ARHGAP25: variants seen among roughly 807,000 people sequenced by gnomAD.
The protein encoded by ARHGAP25 is rho GTPase-activating protein 25.
Under a neutral mutation model 71.0 loss-of-function variants are expected in ARHGAP25, and 34 were observed. The observed-to-expected ratio is 0.48, with a 90% CI of 0.36 to 0.64. ARHGAP25 has a LOEUF of 0.64. Among genes scored for constraint, ARHGAP25 ranks in the 30% least tolerant of loss-of-function variants. The pLI, the probability that ARHGAP25 is intolerant of heterozygous loss-of-function variation, is 0.00. For synonymous variants in ARHGAP25, 282 were observed against 296.5 expected (o/e 0.95, Z 0.50); for missense variants, 706 against 805.1 (o/e 0.88, Z 1.49).
chr2:68,710,922 C>T (rs566838148), intron 2 of ARHGAP25, among the ~76,000 whole-genome samples: 2 of 152,288 alleles, frequency 1.3e-5, no homozygotes, highest in South Asian at 2.1e-4. Flanking sequence ...TCTGCTACAT[C>T]TCTCTAGTGT....
chr2:68,717,492 A>G (rs1674642273), intron 2 of ARHGAP25, among the ~76,000 whole-genome samples: 1 of 152,206 alleles, frequency 6.6e-6, no homozygotes, highest in Non-Finnish European at 1.5e-5. Context: ...GCAAAAGACG[A>G]TAACTTAATC....
intron 2 of ARHGAP25, among the ~76,000 whole-genome samples, chr2:68,717,290 T>C (rs1674635773): frequency 6.6e-6 from 1 of 152,196 alleles, no homozygotes; most frequent in South Asian, 2.1e-4. Context: ...AACAGAAATG[T>C]CTTTATGTGG....
At position 68,769,534 on chromosome 2, in the gene ARHGAP25, C is replaced by T. The variant is rs113167564; in HGVS notation, c.62-5687C>T. Among the ~76,000 whole-genome samples, 967 of 152,188 alleles carry T rather than the reference C, an allele frequency of 6.4e-3. 5 individuals are homozygous for T. Among genetic ancestry groups the T allele is most frequent in the Non-Finnish European group, 9.9e-3 (676 of 68,012 alleles). ...TCTGTTAGGCACTGTGTTAGGTGCA[C>T]GATACAAGGATGAGCAAGGCCAAAC... On this transcript the variant is annotated intron_variant, in intron 1 of 10. Coordinates refer to ENST00000409202, the MANE Select transcript of ARHGAP25 (RefSeq NM_001007231.3).
intron 1 of ARHGAP25, among the ~76,000 whole-genome samples, chr2:68,753,086 G>C (rs1343736627): frequency 6.6e-6 from 1 of 151,860 alleles, no homozygotes; most frequent in African/African-American, 2.4e-5. Context: ...GATGGGGGGG[G>C]TGATAAAACC....
At chr2:68,785,901 G>A (rs551375494) in intron 3 of ARHGAP25, among the ~76,000 whole-genome samples, 7 of 152,282 alleles carry the variant, frequency 4.6e-5, no homozygotes, top group Middle Eastern at 3.4e-3. Context: ...GGTGCTGTTC[G>A]TGAGCTTTGT....
At chr2:68,825,393 C>T (rs1657617015) in intron 10 of ARHGAP25, among the ~76,000 whole-genome samples, 1 of 152,140 alleles carries the variant, frequency 6.6e-6, no homozygotes, top group South Asian at 2.1e-4. Context: ...CTTTCAAAGA[C>T]TTTGTTATCC....
intron 1 of ARHGAP25, among the ~76,000 whole-genome samples, chr2:68,742,097 C>T (rs1038463711): frequency 2.6e-5 from 4 of 152,134 alleles, no homozygotes; most frequent in African/African-American, 7.2e-5. Context: ...TGACAGCTGC[C>T]GCACTGTCTC....
At position 68,793,532 on chromosome 2, in the gene ARHGAP25, G is replaced by A. The variant is rs573469907; in HGVS notation, c.466+5576G>A. Among the ~76,000 whole-genome samples the A allele has an allele frequency of 5.9e-5, 9 of 152,208 alleles. No individual in the cohort carries two copies. In the South Asian group the frequency reaches 6.2e-4, roughly 11 times the overall value. On this transcript the variant is annotated intron_variant, in intron 4 of 10. Coordinates refer to ENST00000409202, the MANE Select transcript of ARHGAP25 (RefSeq NM_001007231.3). Reference sequence around the variant, plus strand: ...CCCAGAACCACTTATTGAAAAGGGTGTCTTTTCTCCAGGGTATGTTCTTAT... The same window carrying A: ...CCCAGAACCACTTATTGAAAAGGGTATCTTTTCTCCAGGGTATGTTCTTAT...
intron 6 of ARHGAP25, 111 bp downstream of exon 6, chr2:68,813,530 G>A (rs1318387426): frequency 4.3e-5 from 54 of 1,243,412 alleles, no homozygotes; most frequent in Non-Finnish European, 5.2e-5. Context: ...TGGTAAGATA[G>A]TCAAATGCAA....
intron 2 of ARHGAP25, among the ~76,000 whole-genome samples, chr2:68,778,014 C>T (rs779709976): frequency 3.3e-5 from 5 of 152,044 alleles, no homozygotes; most frequent in Non-Finnish European, 5.9e-5. Context: ...TATGATTCTA[C>T]AATATAATTC....
chr2:68,760,008 T>C (rs1676703346), intron 1 of ARHGAP25, among the ~76,000 whole-genome samples: 1 of 152,044 alleles, frequency 6.6e-6, no homozygotes, highest in Non-Finnish European at 1.5e-5. Context: ...TGGGATTTAT[T>C]CTTGAAATGC....
intron 4 of ARHGAP25, among the ~76,000 whole-genome samples, chr2:68,789,260 G>A (rs891080605): frequency 3.1e-4 from 47 of 151,994 alleles, no homozygotes; most frequent in Non-Finnish European, 1.3e-4. Context: ...GGATGGTCTC[G>A]ATCTCCTGGC....
At position 68,729,274 on chromosome 2, in the gene ARHGAP25, T is replaced by TA. The variant is rs577573817; in HGVS notation, c.-18+18582dup. On this transcript the variant is annotated intron_variant and NMD_transcript_variant, in intron 2 of 7. Coordinates refer to the ARHGAP25 transcript ENST00000463483. Reference sequence around the variant, plus strand: ...GTGAATTATGTATCAATACAGCTCATAAAAAACAAGCAGTCAGGTGAAGAA... The same window carrying TA: ...GTGAATTATGTATCAATACAGCTCATAAAAAAACAAGCAGTCAGGTGAAGAA... Among the ~76,000 whole-genome samples, 77 of 152,132 alleles carry TA rather than the reference T, an allele frequency of 5.1e-4. No individual in the cohort carries two copies. In the South Asian group the frequency reaches 0.015, roughly 30 times the overall value.
chr2:68,794,801 G>T (rs1679421376), intron 4 of ARHGAP25, among the ~76,000 whole-genome samples: 1 of 152,124 alleles, frequency 6.6e-6, no homozygotes, highest in African/African-American at 2.4e-5. Flanking sequence ...GTGAGTTAGG[G>T]AGAATTCTCT....
chr2:68,798,517 G>GAA (rs10694150), intron 4 of ARHGAP25, among the ~76,000 whole-genome samples: 4,057 of 146,716 alleles, frequency 0.028, 195 homozygotes, highest in African/African-American at 0.096. Context: ...AGAGGAGAGA[G>GAA]AAAAAAAAAA....
At chr2:68,811,835 C>G (rs994644590) in intron 5 of ARHGAP25, among the ~76,000 whole-genome samples, 2 of 152,182 alleles carry the variant, frequency 1.3e-5, no homozygotes, top group Admixed American at 1.3e-4. Flanking sequence ...GACATGTTCT[C>G]CAGCCTATTC....
At chr2:68,815,804 T>A (rs62133265) in intron 6 of ARHGAP25, among the ~76,000 whole-genome samples, 50,482 of 151,542 alleles carry the variant, frequency 0.33, 8,527 homozygotes, top group East Asian at 0.43. Flanking sequence ...CCTTGCACCG[T>A]CCTCCAGCGT....
intron 1 of ARHGAP25, among the ~76,000 whole-genome samples, chr2:68,741,887 G>C (rs752027553): frequency 1.1e-4 from 17 of 152,176 alleles, no homozygotes; most frequent in Non-Finnish European, 2.2e-4. Flanking sequence ...ATTCAGACCA[G>C]TCATTTCATT....
chr2:68,762,827 C>T (rs1456366597), intron 1 of ARHGAP25, among the ~76,000 whole-genome samples: 1 of 152,146 alleles, frequency 6.6e-6, no homozygotes, highest in East Asian at 1.9e-4. Context: ...CAGACAGAAA[C>T]ACTACAGTTG....
Sources: allele counts gnomAD v4.1 joint callset (sites outside exome capture counted in the v4.1 genomes callset), GRCh38; gene constraint gnomAD v4.1.1; transcripts MANE v1.5; gene names NCBI Gene and HGNC (gene_info 2026-07-23, HGNC 2026-07-21).